The following PPP2R2C variants were observed in gnomAD, a reference collection of about 807,000 sequenced individuals.
PPP2R2C encodes protein phosphatase 2 regulatory subunit Bgamma.
In PPP2R2C, 10 loss-of-function variants were observed where a neutral mutation model predicts 45.3. The ratio of observed to expected loss-of-function variants is 0.22; its 90% CI spans 0.14 to 0.37. The LOEUF is 0.37. PPP2R2C is among the 10% of genes least tolerant of loss of function. The pLI is 1.00. For missense variants in PPP2R2C, 308 were observed against 619.7 expected (o/e 0.50, Z 5.34); for synonymous variants, 257 against 245.4 (o/e 1.05, Z -0.44).
At chr4:6,558,218 C>T (rs1725471093) in intron 1 of PPP2R2C, among the ~76,000 whole-genome samples, 1 of 152,242 alleles carries the variant, frequency 6.6e-6, no homozygotes, top group Non-Finnish European at 1.5e-5. Context: ...AAGCATGCAG[C>T]AAGTTCTCCA....
intron 1 of PPP2R2C, among the ~76,000 whole-genome samples, chr4:6,409,242 CAAAT>C (rs1181835369): frequency 6.6e-6 from 1 of 152,116 alleles, no homozygotes; most frequent in African/African-American, 2.4e-5. Flanking sequence ...TTTTATTTTA[CAAAT>C]AAATATATCT....
chr4:6,456,676 G>T (rs1436569825), intron 1 of PPP2R2C, among the ~76,000 whole-genome samples: 1 of 152,322 alleles, frequency 6.6e-6, no homozygotes, highest in African/African-American at 2.4e-5. Context: ...TGGAGGGGGA[G>T]CTCTGGGTGC....
At chr4:6,441,797 C>T (rs1720168313) in intron 1 of PPP2R2C, among the ~76,000 whole-genome samples, 1 of 152,226 alleles carries the variant, frequency 6.6e-6, no homozygotes, top group South Asian at 2.1e-4. Context: ...TGGCCCCACT[C>T]TTCACTGTGG....
At chr4:6,395,516 G>A (rs1167197069) in intron 1 of PPP2R2C, among the ~76,000 whole-genome samples, 1 of 152,208 alleles carries the variant, frequency 6.6e-6, no homozygotes, top group East Asian at 1.9e-4. Context: ...CTCGGTCTCT[G>A]GAGGACAGTC....
chr4:6,463,549 C>A (rs977563637), intron 1 of PPP2R2C, among the ~76,000 whole-genome samples: 8 of 152,204 alleles, frequency 5.3e-5, no homozygotes, highest in Admixed American at 5.2e-4. Context: ...GCAAGGAGGG[C>A]AGTGCCTGTC....
chr4:6,344,258 C>T (rs1468704811), intron 6 of PPP2R2C, among the ~76,000 whole-genome samples: 1 of 152,226 alleles, frequency 6.6e-6, no homozygotes, highest in East Asian at 1.9e-4. Context: ...TCACTGCAGC[C>T]CTGGGAGCTG....
intron 1 of PPP2R2C, among the ~76,000 whole-genome samples, chr4:6,437,921 G>A (rs1719971572): frequency 6.6e-6 from 1 of 152,098 alleles, no homozygotes; most frequent in South Asian, 2.1e-4. Flanking sequence ...AGAAGGGAGG[G>A]GATAGAAATA....
intron 2 of PPP2R2C, chr4:6,523,592 C>T (rs989709152): frequency 5.3e-5 from 8 of 152,216 alleles, no homozygotes; most frequent in Admixed American, 3.3e-4. Flanking sequence ...TTGGGAGAGA[C>T]GCGGGACCTG....
chr4:6,558,221 G>A (rs1433878571), intron 1 of PPP2R2C, among the ~76,000 whole-genome samples: 1 of 152,350 alleles, frequency 6.6e-6, no homozygotes, highest in East Asian at 1.9e-4. Context: ...CATGCAGCAA[G>A]TTCTCCATAA....
At chr4:6,384,445 T>A (rs1393313018) in intron 1 of PPP2R2C, 1 of 984,334 alleles carries the variant, frequency 1.0e-6, no homozygotes, top group East Asian at 1.1e-4. Flanking sequence ...CTCTTTCAAC[T>A]TGTCCATATT....
chr4:6,346,119 C>T (rs1326583643), intron 6 of PPP2R2C, among the ~76,000 whole-genome samples: 1 of 152,150 alleles, frequency 6.6e-6, no homozygotes, highest in Non-Finnish European at 1.5e-5. Flanking sequence ...GAGCCCTGCC[C>T]CACCTCCCAA....
At chr4:6,506,896 T>C (rs1723254533) in intron 2 of PPP2R2C, among the ~76,000 whole-genome samples, 1 of 152,166 alleles carries the variant, frequency 6.6e-6, no homozygotes, top group African/African-American at 2.4e-5. Context: ...CCCATGTGGG[T>C]TGCCATTCTC....
intron 1 of PPP2R2C, among the ~76,000 whole-genome samples, chr4:6,467,622 C>T (rs1001930236): frequency 6.6e-6 from 1 of 152,166 alleles, no homozygotes; most frequent in African/African-American, 2.4e-5. Flanking sequence ...TTATGTATCT[C>T]GAGTCTTAGC....
At chr4:6,370,530 C>G (rs1279679066) in intron 5 of PPP2R2C, among the ~76,000 whole-genome samples, 1 of 152,164 alleles carries the variant, frequency 6.6e-6, no homozygotes, top group African/African-American at 2.4e-5. Context: ...AGGCATTCAC[C>G]CCCAATTAGA....
At chr4:6,480,646 GC>G (rs1424276994) in intron 2 of PPP2R2C, among the ~76,000 whole-genome samples, 1 of 152,138 alleles carries the variant, frequency 6.6e-6, no homozygotes, top group Non-Finnish European at 1.5e-5. Context: ...GTTCCTCATA[GC>G]CTGCAGTGTA....
intron 5 of PPP2R2C, among the ~76,000 whole-genome samples, chr4:6,356,862 C>G (rs4374690): frequency 0.54 from 80,416 of 149,582 alleles, 23,913 homozygotes; most frequent in East Asian, 0.72. Context: ...GCTGCAGCCA[C>G]CGGCATGAGA....
chr4:6,337,344 A>C (rs1283530029), intron 6 of PPP2R2C, among the ~76,000 whole-genome samples: 1 of 151,418 alleles, frequency 6.6e-6, no homozygotes, highest in African/African-American at 2.4e-5. Flanking sequence ...GCTTGAGAGA[A>C]GAGGGACCCC....
At chr4:6,439,891 T>C (rs534341969) in intron 1 of PPP2R2C, among the ~76,000 whole-genome samples, 2 of 152,278 alleles carry the variant, frequency 1.3e-5, no homozygotes, top group Admixed American at 6.5e-5. Context: ...TGCAACACCA[T>C]TCCTTTTCAG....
chr4:6,438,483 T>G (rs1719998756), intron 1 of PPP2R2C, among the ~76,000 whole-genome samples: 1 of 152,232 alleles, frequency 6.6e-6, no homozygotes, highest in Non-Finnish European at 1.5e-5. Flanking sequence ...CAGCCATAAT[T>G]CAGCTCCCTC....
Sources: gnomAD v4.1 joint callset for allele counts (sites outside exome capture counted in the v4.1 genomes callset) on GRCh38, gnomAD v4.1.1 for gene constraint, MANE v1.5 for transcripts, NCBI Gene and HGNC (gene_info 2026-07-23, HGNC 2026-07-21) for gene names.